The following SCYL2 variants were observed in gnomAD, a reference collection of about 807,000 sequenced individuals.
The protein encoded by SCYL2 is SCY1-like protein 2.
A neutral mutation model predicts 100.4 loss-of-function variants in SCYL2; 36 were observed. That is an observed-to-expected ratio of 0.36 (90% CI 0.27 to 0.47). SCYL2 has a LOEUF of 0.47. SCYL2 is among the 20% of genes least tolerant of loss of function. SCYL2 has a pLI of 1.00. For missense variants in SCYL2, 902 were observed against 1,083.9 expected (o/e 0.83, Z 2.36); for synonymous variants, 330 against 359.2 (o/e 0.92, Z 0.92).
chr12:100,312,597 A>G lies in SCYL2; in HGVS notation c.796A>G (p.Ile266Val), dbSNP rs759476790. Residue 266 changes from isoleucine (I) to valine (V), a missense_variant, in exon 6 of 18, where the codon ATA (isoleucine) becomes GTA (valine). Coordinates refer to ENST00000360820, the MANE Select transcript of SCYL2 (RefSeq NM_017988.6). ...TGCTGTATTTAATAAAGGGAAACCT[A>G]TATTTGAAGTCAACAAGCAAGATAT... Reference protein sequence around the residue: ...MYAVFNKGKPIFEVNKQDIYK... With the variant: ...MYAVFNKGKPVFEVNKQDIYK... The G allele has an allele frequency of 1.2e-6, 2 of 1,612,482 alleles. No homozygotes were observed. The highest frequency in any genetic ancestry group is 1.7e-6 in the Non-Finnish European group (2 of 1,178,720).
intron 2 of SCYL2, among the ~76,000 whole-genome samples, chr12:100,283,610 C>CA (rs936795718): frequency 6.6e-6 from 1 of 152,040 alleles, no homozygotes; most frequent in African/African-American, 2.4e-5. Context: ...CGGCCAAAAT[C>CA]ACTGTTTTCA....
Position 100,287,956 on chromosome 12 carries a change from CGTT to C in SCYL2, c.178-3543_178-3541del, listed in dbSNP as rs1312589849. On this transcript the variant is annotated intron_variant, in intron 2 of 17. Coordinates refer to ENST00000360820, the MANE Select transcript of SCYL2 (RefSeq NM_017988.6). ...GTGGTAGATACAGAGGCACATAAGA[CGTT>C]GTTTCTTTCTTCAAGAGGATTGTAA... Among the ~76,000 whole-genome samples the C allele has an allele frequency of 1.5e-4, 23 of 152,222 alleles. No individual in the cohort carries two copies. The East Asian group carries it at 2.1e-3, about 14-fold the overall frequency.
intron 10 of SCYL2, among the ~76,000 whole-genome samples, chr12:100,323,171 CCTT>C (rs564803124): frequency 3.3e-4 from 50 of 152,146 alleles, no homozygotes; most frequent in African/African-American, 9.2e-4. Flanking sequence ...CTTGATTTTC[CCTT>C]CTTCTGAGAG....
chr12:100,322,618 A>G (rs2096357372), intron 10 of SCYL2, among the ~76,000 whole-genome samples: 1 of 151,904 alleles, frequency 6.6e-6, no homozygotes, highest in African/African-American at 2.4e-5. Flanking sequence ...TTAGCTGGGC[A>G]TGGGCCAAGG....
intron 13 of SCYL2, among the ~76,000 whole-genome samples, chr12:100,330,133 C>A (rs1424192208): frequency 1.3e-5 from 2 of 152,054 alleles, no homozygotes; most frequent in Admixed American, 6.6e-5. Flanking sequence ...TAATTGGGAA[C>A]CATTTTAAGA....
At chr12:100,337,008 A>T (rs1952286125) in intron 16 of SCYL2, among the ~76,000 whole-genome samples, 1 of 152,144 alleles carries the variant, frequency 6.6e-6, no homozygotes, top group African/African-American at 2.4e-5. Flanking sequence ...ATGTTGTTTC[A>T]TTCATTCTTT....
intron 2 of SCYL2, among the ~76,000 whole-genome samples, chr12:100,285,286 T>A (rs1218730684): frequency 6.6e-6 from 1 of 152,258 alleles, no homozygotes; most frequent in Admixed American, 6.5e-5. Flanking sequence ...TTTATTTAAA[T>A]GCATTTGTAT....
intron 17 of SCYL2, among the ~76,000 whole-genome samples, chr12:100,337,859 T>G (rs1356419983): frequency 6.6e-6 from 1 of 152,200 alleles, no homozygotes; most frequent in Non-Finnish European, 1.5e-5. Flanking sequence ...TTTCTGTGTT[T>G]GACTTTTCAA....
At chr12:100,291,888 T>C in intron 3 of SCYL2, 1 of 457,864 alleles carries the variant, frequency 2.2e-6, no homozygotes, top group Admixed American at 4.5e-5. Flanking sequence ...TGTACTTCAG[T>C]GGCTACCCTG....
chr12:100,325,275 G>T (rs1439782892), intron 11 of SCYL2, among the ~76,000 whole-genome samples: 1 of 152,154 alleles, frequency 6.6e-6, no homozygotes, highest in Non-Finnish European at 1.5e-5. Context: ...ATATGTAGGG[G>T]TATGTAGAAA....
chr12:100,322,113 C>T (rs2096356556), intron 10 of SCYL2, among the ~76,000 whole-genome samples: 1 of 150,794 alleles, frequency 6.6e-6, no homozygotes, highest in African/African-American at 2.4e-5. Context: ...TGGCTCACGC[C>T]TGTAATCCCA....
chr12:100,320,179 C>T (rs2096353992), intron 10 of SCYL2, among the ~76,000 whole-genome samples: 1 of 152,114 alleles, frequency 6.6e-6, no homozygotes, highest in South Asian at 2.1e-4. Flanking sequence ...TAATTAGACT[C>T]CTTTGAGGTT....
chr12:100,273,271 A>G (rs17476256), intron 1 of SCYL2, among the ~76,000 whole-genome samples: 19,823 of 152,008 alleles, frequency 0.13, 1,601 homozygotes, highest in Non-Finnish European at 0.18. Flanking sequence ...TACTCCTACA[A>G]TTCTCCTATT....
intron 9 of SCYL2, among the ~76,000 whole-genome samples, chr12:100,316,435 A>G (rs762804309): frequency 6.6e-6 from 1 of 152,228 alleles, no homozygotes; most frequent in Non-Finnish European, 1.5e-5. Context: ...GATTGTTGAG[A>G]TTAAATGAAA....
At position 100,338,985 on chromosome 12, in the gene SCYL2, T is replaced by C. The variant is rs775501288; in HGVS notation, c.2603T>C (p.Phe868Ser). 6.2e-7 allele frequency: 1 copy of C among 1,614,150 alleles called. No homozygotes were observed. Among genetic ancestry groups the C allele is most frequent in the Non-Finnish European group, 8.5e-7 (1 of 1,179,982 alleles). ...AAACCAAATCAGTGGCTTAATCAGT[T>C]TGTACCTCCTCAAGGTTCTCCAACT... ...QQKPNQWLNQ[F>S]VPPQGSPTMG... is the part of the protein sequence containing the mutation. The change falls in exon 18 of 18, where the codon TTT becomes TCT. Residue 868 changes from phenylalanine to serine, a missense_variant. Coordinates refer to ENST00000360820, the MANE Select transcript of SCYL2 (RefSeq NM_017988.6).
intron 1 of SCYL2, among the ~76,000 whole-genome samples, chr12:100,279,925 T>C (rs2135819136): frequency 6.6e-6 from 1 of 152,378 alleles, no homozygotes; most frequent in Middle Eastern, 3.4e-3. Flanking sequence ...CAGCATAGCT[T>C]CATTCACTTT....
chr12:100,294,583 C>A (rs1213886340), intron 3 of SCYL2, among the ~76,000 whole-genome samples: 1 of 145,394 alleles, frequency 6.9e-6, no homozygotes, highest in Admixed American at 6.7e-5. Context: ...TGACCCCCCA[C>A]CTCCCTCCTG....
chr12:100,268,808 C>T (rs897296521), intron 1 of SCYL2, among the ~76,000 whole-genome samples: 2 of 152,172 alleles, frequency 1.3e-5, no homozygotes, highest in African/African-American at 2.4e-5. Context: ...GTGTTTAACT[C>T]CGTGGGTAGC....
intron 1 of SCYL2, among the ~76,000 whole-genome samples, chr12:100,277,146 T>C (rs74980368): frequency 0.024 from 3,720 of 152,352 alleles, 149 homozygotes; most frequent in African/African-American, 0.084. Flanking sequence ...TTGAGACTTA[T>C]TTCATAGCCC....
Sources: gnomAD v4.1 joint callset for allele counts (sites outside exome capture counted in the v4.1 genomes callset) on GRCh38, gnomAD v4.1.1 for gene constraint, MANE v1.5 for transcripts, NCBI Gene and HGNC (gene_info 2026-07-23, HGNC 2026-07-21) for gene names.